SH3RF3: variants seen among roughly 807,000 people sequenced by gnomAD.
The protein encoded by SH3RF3 is E3 ubiquitin-protein ligase SH3RF3.
A neutral mutation model predicts 66.3 loss-of-function variants in SH3RF3; 29 were observed. That is an observed-to-expected ratio of 0.44 (90% CI 0.33 to 0.60). The LOEUF (loss-of-function observed/expected upper bound fraction) is 0.60, where lower values mean the gene tolerates loss of function less well. Ranked by LOEUF, SH3RF3 falls within the 20% of genes least tolerant of loss-of-function variation. The pLI is 0.04. For synonymous variants in SH3RF3, 583 were observed against 532.0 expected, an observed-to-expected ratio of 1.10 and a Z score of -1.32; for missense variants, 1,194 against 1,190.9, an observed-to-expected ratio of 1.00 and a Z score of -0.04.
intron 8 of SH3RF3, among the ~76,000 whole-genome samples, chr2:109,452,029 A>G (rs1405345116): frequency 6.6e-6 from 1 of 152,248 alleles, no homozygotes; most frequent in African/African-American, 2.4e-5. Flanking sequence ...CCCACCTCTC[A>G]TAAACAACAA....
chr2:109,282,821 G>A (rs556929161), intron 1 of SH3RF3, among the ~76,000 whole-genome samples: 2 of 152,284 alleles, frequency 1.3e-5, no homozygotes, highest in East Asian at 3.9e-4. Flanking sequence ...GGGCTGGCAG[G>A]CAGGAGGAGG....
At chr2:109,151,793 A>G (rs1429975022) in intron 1 of SH3RF3, among the ~76,000 whole-genome samples, 1 of 152,260 alleles carries the variant, frequency 6.6e-6, no homozygotes, top group Admixed American at 6.5e-5. Flanking sequence ...TGCACTTTTT[A>G]TGACTCTAAT....
chr2:109,392,953 C>G (rs966474760), intron 3 of SH3RF3, among the ~76,000 whole-genome samples: 1 of 152,194 alleles, frequency 6.6e-6, no homozygotes, highest in East Asian at 1.9e-4. Flanking sequence ...GAACCAGTGT[C>G]AAAGGGAATC....
At chr2:109,327,846 G>T (rs943528375) in intron 1 of SH3RF3, among the ~76,000 whole-genome samples, 2 of 152,114 alleles carry the variant, frequency 1.3e-5, no homozygotes, top group African/African-American at 4.8e-5. Flanking sequence ...TTTCATGTTT[G>T]CCCTTTGCAT....
rs904941174 is a variant in SH3RF3 at position 109,439,408 on chromosome 2, C to G, written c.1828+2262C>G. Among the ~76,000 whole-genome samples, 21 of 152,270 alleles carry G rather than the reference C, an allele frequency of 1.4e-4. 1 individual carries two copies. Among genetic ancestry groups the G allele is most frequent in the Admixed American group, 1.3e-3 (20 of 15,294 alleles). On this transcript the variant is annotated intron_variant, in intron 7 of 9. Coordinates refer to ENST00000309415, the MANE Select transcript of SH3RF3 (RefSeq NM_001099289.3). ...CACTGAGTTCCTGCGGCATTTTCCA[C>G]TTCATTCTGCATTTAGAGAGAGAAA...
At chr2:109,178,368 T>C (rs1267630663) in intron 1 of SH3RF3, among the ~76,000 whole-genome samples, 1 of 152,226 alleles carries the variant, frequency 6.6e-6, no homozygotes, top group African/African-American at 2.4e-5. Flanking sequence ...AGAAATGATA[T>C]ATACTCAGTG....
intron 7 of SH3RF3, among the ~76,000 whole-genome samples, chr2:109,448,431 A>T (rs1283864298): frequency 6.6e-6 from 1 of 152,144 alleles, no homozygotes; most frequent in African/African-American, 2.4e-5. Context: ...GGAAAACTTC[A>T]TCTGTATTTA....
intron 1 of SH3RF3, among the ~76,000 whole-genome samples, chr2:109,274,573 A>G: frequency 6.6e-6 from 1 of 152,246 alleles, no homozygotes; most frequent in East Asian, 1.9e-4. Flanking sequence ...TGAAGTATCC[A>G]GAATAGGTAA....
Position 109,371,689 on chromosome 2 carries a change from C to A in SH3RF3, c.945+8C>A, listed in dbSNP as rs370696409. 3 of 1,612,178 alleles carry A rather than the reference C, an allele frequency of 1.9e-6. No homozygotes were observed. The highest frequency in any genetic ancestry group is 1.7e-6 in the Non-Finnish European group (2 of 1,179,124). ...CCGCTCCTGTACGTGGAGGTAAGAC[C>A]GTGCCGCCCTCCCACACTTGGCTCC... On this transcript the variant is annotated splice_region_variant and intron_variant, in intron 3 of 9. Coordinates refer to ENST00000309415, the MANE Select transcript of SH3RF3 (RefSeq NM_001099289.3).
At chr2:109,252,338 C>T (rs559151564) in intron 1 of SH3RF3, among the ~76,000 whole-genome samples, 81 of 152,130 alleles carry the variant, frequency 5.3e-4, no homozygotes, top group African/African-American at 1.6e-3. Context: ...CAACAGAAGC[C>T]GGGTTTATTT....
intron 9 of SH3RF3, among the ~76,000 whole-genome samples, 190 bp from the exon 10 acceptor site, chr2:109,501,313 A>C (rs535862597): frequency 2.0e-5 from 3 of 152,338 alleles, no homozygotes; most frequent in East Asian, 3.9e-4. Context: ...ATGCCTTTTA[A>C]ATTTTTTTTA....
At chr2:109,162,979 C>T (rs929905919) in intron 1 of SH3RF3, among the ~76,000 whole-genome samples, 1 of 152,220 alleles carries the variant, frequency 6.6e-6, no homozygotes, top group Admixed American at 6.5e-5. Flanking sequence ...GATTTGCACC[C>T]TCTCTGACTG....
chr2:109,315,753 G>A (rs1417926487), intron 1 of SH3RF3, among the ~76,000 whole-genome samples: 2 of 152,216 alleles, frequency 1.3e-5, no homozygotes, highest in African/African-American at 2.4e-5. Context: ...TGGCTATTGT[G>A]ACATTTAGAG....
At chr2:109,501,454 C>T (rs1394034311) in intron 9 of SH3RF3, 49 bp from the exon 10 acceptor site, 2 of 739,860 alleles carry the variant, frequency 2.7e-6, no homozygotes. Flanking sequence ...CACGACCCAG[C>T]AGATGGAGAT....
chr2:109,501,728 C>G lies in SH3RF3; in HGVS notation c.*57C>G, dbSNP rs72627485. 5.7e-6 allele frequency: 4 copies of G among 703,924 alleles called. No homozygotes were observed. The highest frequency in any genetic ancestry group is 1.1e-5 in the Non-Finnish European group (4 of 380,098). 43.6% of individuals were successfully genotyped at this position (703,924 alleles called of 1,614,324 possible). A position where few individuals can be genotyped will look rare whatever the true frequency, so the allele number is the denominator to read the frequency against. ...GGGGGAGGCCGCCTGGGAAGCTCCA[C>G]GGCACACAGAGAGGGAGCCATGGCG... On this transcript the variant is annotated 3_prime_UTR_variant, in exon 10 of 10. Transcript: ENST00000309415.
chr2:109,267,703 CT>C (rs1680530828), intron 1 of SH3RF3, among the ~76,000 whole-genome samples: 1 of 152,200 alleles, frequency 6.6e-6, no homozygotes, highest in African/African-American at 2.4e-5. Flanking sequence ...CCTTTCCCTT[CT>C]TTTACTCTCC....
intron 1 of SH3RF3, among the ~76,000 whole-genome samples, chr2:109,322,458 A>C (rs1309507885): frequency 6.6e-6 from 1 of 152,226 alleles, no homozygotes; most frequent in East Asian, 1.9e-4. Context: ...AGTTGAGCTT[A>C]AATCAGCCAA....
intron 3 of SH3RF3, among the ~76,000 whole-genome samples, chr2:109,381,114 G>A (rs1199913607): frequency 6.6e-6 from 1 of 152,206 alleles, no homozygotes. Flanking sequence ...GCCTTGTCCT[G>A]GTCTGGATGC....
intron 1 of SH3RF3, among the ~76,000 whole-genome samples, chr2:109,191,110 GGA>G (rs1305592437): frequency 6.6e-6 from 1 of 152,122 alleles, no homozygotes; most frequent in African/African-American, 2.4e-5. Flanking sequence ...TCAAGTGATT[GGA>G]GAGAGATCCA....
Sources: allele counts gnomAD v4.1 joint callset (sites outside exome capture counted in the v4.1 genomes callset), GRCh38; gene constraint gnomAD v4.1.1; transcripts MANE v1.5; gene names NCBI Gene and HGNC (gene_info 2026-07-23, HGNC 2026-07-21).